PIGB: variants seen among roughly 807,000 people sequenced by gnomAD.
The protein encoded by PIGB is phosphatidylinositol glycan anchor biosynthesis class B.
A neutral mutation model predicts 68.4 loss-of-function variants in PIGB; 58 were observed. The observed-to-expected ratio is 0.85, with a 90% CI of 0.69 to 1.06. The LOEUF (loss-of-function observed/expected upper bound fraction) is 1.06. Among genes scored for constraint, PIGB ranks in the 50% least tolerant of loss-of-function variants. The pLI, the probability that PIGB is intolerant of heterozygous loss-of-function variation, is 0.00. For missense variants in PIGB, 634 were observed against 655.8 expected, an observed-to-expected ratio of 0.97 and a Z score of 0.36; for synonymous variants, 219 against 220.5, an observed-to-expected ratio of 0.99 and a Z score of 0.06.
chr15:55,327,036 C>G (rs2055305206), intron 3 of PIGB, among the ~76,000 whole-genome samples: 1 of 151,782 alleles, frequency 6.6e-6, no homozygotes, highest in Admixed American at 6.6e-5. Context: ...TAGACTGAGG[C>G]AGGAAAATTG....
intron 3 of PIGB, 63 bp from the exon 4 acceptor site, chr15:55,327,468 T>G (rs886573807): frequency 9.3e-7 from 1 of 1,075,040 alleles, no homozygotes; most frequent in Non-Finnish European, 1.4e-6. Flanking sequence ...TTGACTTTTA[T>G]CATAATTCAG....
At chr15:55,343,126 A>T (rs969453846) in intron 9 of PIGB, 7 of 152,236 alleles carry the variant, frequency 4.6e-5, no homozygotes, top group Non-Finnish European at 8.8e-5. Context: ...ATTTAAGAAG[A>T]TAAACATACA....
chr15:55,352,736 G>A (rs977184372), intron 10 of PIGB, among the ~76,000 whole-genome samples: 8 of 152,134 alleles, frequency 5.3e-5, no homozygotes, highest in South Asian at 2.1e-4. Flanking sequence ...CAACCTGGGC[G>A]ACAGAGCGAG....
chr15:55,320,400 A>ATATCCTTTG lies in PIGB; in HGVS notation c.290_291insATCCTTTGT (p.Met97delinsIleSerPheVal), dbSNP rs1566945604. On this transcript the variant is annotated protein_altering_variant, in exon 2 of 12. Transcript: ENST00000164305. ...GCAGTCTCTTGAAGTTTCACATCAC[A>ATATCCTTTG]TGGTTTTCAAATATCCTTTGTGGTT... 1 of 1,613,192 alleles carries ATATCCTTTG rather than the reference A, an allele frequency of 6.2e-7. No homozygotes were observed. The highest frequency in any genetic ancestry group is 2.2e-5 in the East Asian group (1 of 44,862).
At chr15:55,322,490 C>G (rs1566946584) in intron 3 of PIGB, among the ~76,000 whole-genome samples, 1 of 152,108 alleles carries the variant, frequency 6.6e-6, no homozygotes, top group African/African-American at 2.4e-5. Flanking sequence ...TAGCCTCACT[C>G]CCATGATCTT....
intron 1 of PIGB, 167 bp from the exon 2 acceptor site, chr15:55,320,108 C>A: frequency 2.1e-6 from 1 of 474,380 alleles, no homozygotes; most frequent in Non-Finnish European, 3.7e-6. Flanking sequence ...AGTGATGACG[C>A]TGTGGTGCTT....
chr15:55,344,890 C>CTTTTTTTTTTTT (rs1164109873), intron 9 of PIGB, among the ~76,000 whole-genome samples: 66 of 98,900 alleles, frequency 6.7e-4, no homozygotes, highest in Non-Finnish European at 9.7e-4. Flanking sequence ...ATATTCTTAT[C>CTTTTTTTTTTTT]TTTTTTTTTT....
chr15:55,352,309 T>A (rs1441279518), intron 10 of PIGB, among the ~76,000 whole-genome samples: 1 of 152,214 alleles, frequency 6.6e-6, no homozygotes, highest in African/African-American at 2.4e-5. Context: ...AATTAGGGAA[T>A]GCGACTAGAT....
At chr15:55,343,830 C>CA (rs2055728101) in intron 9 of PIGB, among the ~76,000 whole-genome samples, 2 of 152,134 alleles carry the variant, frequency 1.3e-5, no homozygotes, top group Admixed American at 1.3e-4. Context: ...TAGAGTGGGT[C>CA]AAAAAACTCT....
intron 10 of PIGB, among the ~76,000 whole-genome samples, chr15:55,353,693 C>G (rs1417850549): frequency 6.6e-6 from 1 of 152,106 alleles, no homozygotes; most frequent in Non-Finnish European, 1.5e-5. Flanking sequence ...CAACCTCCGT[C>G]TTCTGGGTTC....
At position 55,354,763 on chromosome 15, in the gene PIGB, A is replaced by T. The variant is rs186572807; in HGVS notation, c.1338-35A>T. On this transcript the variant is annotated intron_variant, in intron 10 of 11. Transcript: ENST00000164305. ...AGACTAATGAAAACTTTCATGTTTTACTTGTATTTATTATGGTAACTTTTC... is the reference window on the plus strand; with the variant it reads ...AGACTAATGAAAACTTTCATGTTTTTCTTGTATTTATTATGGTAACTTTTC... 251 of 1,520,582 alleles carry T rather than the reference A, an allele frequency of 1.7e-4. 3 individuals are homozygous for T. In the African/African-American group the frequency reaches 3.3e-3, roughly 20 times the overall value. The allele number at this position is 1,520,582 out of a possible 1,614,324, so 94.2% of individuals were successfully genotyped here.
In PIGB at chr15:55,339,324, TA is replaced by T; in HGVS notation, c.846+10del. 6.6e-7 allele frequency: 1 copy of T among 1,523,142 alleles called. No homozygotes were observed. The highest frequency in any genetic ancestry group is 8.9e-7 in the Non-Finnish European group (1 of 1,120,648). The allele number at this position is 1,523,142 out of a possible 1,614,324, so 94.4% of individuals were successfully genotyped here. Reference sequence around the variant, plus strand: ...ATCGTATTTTTTTTGGCCAAGTAAGTAAAAGTATATTAAGCTAACAGCTATT... The same window carrying T: ...ATCGTATTTTTTTTGGCCAAGTAAGTAAAGTATATTAAGCTAACAGCTATT... On this transcript the variant is annotated splice_region_variant and intron_variant, in intron 7 of 11. Coordinates refer to ENST00000164305, the MANE Select transcript of PIGB (RefSeq NM_004855.5).
chr15:55,323,015 A>G (rs528476098), intron 3 of PIGB, among the ~76,000 whole-genome samples: 2 of 152,272 alleles, frequency 1.3e-5, no homozygotes, highest in African/African-American at 4.8e-5. Context: ...CTCCATCTGT[A>G]GCTGACCCAC....
At chr15:55,353,607 C>CT (rs893307832) in intron 10 of PIGB, among the ~76,000 whole-genome samples, 3 of 151,914 alleles carry the variant, frequency 2.0e-5, no homozygotes, top group Non-Finnish European at 2.9e-5. Flanking sequence ...ATACTCTAAT[C>CT]TTTTTTTTGT....
intron 10 of PIGB, among the ~76,000 whole-genome samples, chr15:55,354,164 A>C (rs1307215179): frequency 6.6e-6 from 1 of 151,672 alleles, no homozygotes; most frequent in Non-Finnish European, 1.5e-5. Flanking sequence ...AAATACAAAA[A>C]TCAGCCAGGC....
At chr15:55,353,600 C>T (rs1475329069) in intron 10 of PIGB, among the ~76,000 whole-genome samples, 1 of 152,006 alleles carries the variant, frequency 6.6e-6, no homozygotes, top group Non-Finnish European at 1.5e-5. Flanking sequence ...CTTTTTTATA[C>T]TCTAATCTTT....
Position 55,355,529 on chromosome 15 carries a change from A to C in PIGB, c.*97A>C, listed in dbSNP as rs2056061328. 3 of 962,660 alleles carry C rather than the reference A, an allele frequency of 3.1e-6. No individual in the cohort carries two copies. The highest frequency in any genetic ancestry group is 4.7e-6 in the Non-Finnish European group (3 of 645,128). The allele number at this position is 962,660 out of a possible 1,614,324, so 59.6% of individuals were successfully genotyped here. On this transcript the variant is annotated 3_prime_UTR_variant, in exon 12 of 12. Coordinates refer to ENST00000164305, the MANE Select transcript of PIGB (RefSeq NM_004855.5). ...GGTAAGATTCATGGAACTTAGAAAA[A>C]AGCTGTATGAACTGCTTTACCAAAT...
chr15:55,347,930 A>G (rs1162985160), intron 9 of PIGB, among the ~76,000 whole-genome samples: 1 of 147,526 alleles, frequency 6.8e-6, no homozygotes, highest in African/African-American at 2.5e-5. Flanking sequence ...ATCACCAAGT[A>G]TTCCCATTTT....
intron 2 of PIGB, among the ~76,000 whole-genome samples, chr15:55,321,062 TTTA>T (rs2055152566): frequency 6.6e-6 from 1 of 152,166 alleles, no homozygotes; most frequent in Non-Finnish European, 1.5e-5. Context: ...AAAATGCTGT[TTTA>T]AGACTGCCAC....
Sources: allele counts gnomAD v4.1 joint callset (sites outside exome capture counted in the v4.1 genomes callset), GRCh38; gene constraint gnomAD v4.1.1; transcripts MANE v1.5; gene names NCBI Gene and HGNC (gene_info 2026-07-23, HGNC 2026-07-21).